Variants in CYP3A43 observed in about 807,000 individuals in gnomAD.
The protein encoded by CYP3A43 is cytochrome P450 family 3 subfamily A member 43.
CYP3A43 carries 45 observed loss-of-function variants against 58.0 expected under a neutral mutation model. The ratio of observed to expected loss-of-function variants is 0.78; its 90% CI spans 0.61 to 0.99. The LOEUF (loss-of-function observed/expected upper bound fraction) is 0.99. Ranked by LOEUF, CYP3A43 falls within the 50% of genes least tolerant of loss-of-function variation. The pLI is 0.00. For synonymous variants in CYP3A43, 191 were observed against 201.4 expected, an observed-to-expected ratio of 0.95 and a Z score of 0.44; for missense variants, 593 against 591.9, an observed-to-expected ratio of 1.00 and a Z score of -0.02.
Position 99,861,691 on chromosome 7 carries a change from G to A in CYP3A43, c.1105G>A (p.Val369Ile). 6.2e-7 allele frequency: 1 copy of A among 1,614,154 alleles called. No homozygotes were observed. The highest frequency in any genetic ancestry group is 8.5e-7 in the Non-Finnish European group (1 of 1,180,020). The change falls in exon 11 of 13, where the codon GTT becomes ATT. Residue 369 changes from valine to isoleucine, a missense_variant. Physicochemically the swap from Val to Ile is conservative, Grantham distance 29. Transcript: ENST00000354829. ...GAATGAAACGCTCAGATTATTCCCA[G>A]TTGTTAGTAGAGTTACGAGAGTCTG... ...VVNETLRLFP[V>I]VSRVTRVCKK...
At chr7:99,839,568 C>G in intron 3 of CYP3A43, 1 of 406,586 alleles carries the variant, frequency 2.5e-6, no homozygotes, top group Non-Finnish European at 4.8e-6. Context: ...AGCAATGTGG[C>G]ATCACTCGTC....
chr7:99,843,972 A>C (rs762091020), intron 3 of CYP3A43, among the ~76,000 whole-genome samples, 171 bp from the exon 4 acceptor site: 11 of 152,202 alleles, frequency 7.2e-5, no homozygotes, highest in Admixed American at 2.6e-4. Context: ...CGTGGTGAGA[A>C]TCTTACTCTG....
At chr7:99,855,261 C>T (rs1817927452) in intron 7 of CYP3A43, among the ~76,000 whole-genome samples, 1 of 152,204 alleles carries the variant, frequency 6.6e-6, no homozygotes, top group Non-Finnish European at 1.5e-5. Context: ...ATTAAAGCAG[C>T]AGGCTATCCA....
At chr7:99,857,590 C>T (rs567601440) in intron 9 of CYP3A43, among the ~76,000 whole-genome samples, 1 of 152,282 alleles carries the variant, frequency 6.6e-6, no homozygotes, top group South Asian at 2.1e-4. Context: ...CGTCTGTAAT[C>T]TCAGCACTTT....
At chr7:99,863,761 T>A in intron 12 of CYP3A43, 62 bp downstream of exon 12, 1 of 1,314,254 alleles carries the variant, frequency 7.6e-7, no homozygotes, top group Admixed American at 2.6e-5. Context: ...AAGTCTACAT[T>A]TTTTAAAAAT....
At chr7:99,834,909 C>T (rs1203550526) in intron 1 of CYP3A43, among the ~76,000 whole-genome samples, 1 of 152,192 alleles carries the variant, frequency 6.6e-6, no homozygotes, top group African/African-American at 2.4e-5. Context: ...ACTGGTCCCC[C>T]ATATTAGTTC....
At chr7:99,863,417 A>G in intron 11 of CYP3A43, 120 bp from the exon 12 acceptor site, 1 of 692,830 alleles carries the variant, frequency 1.4e-6, no homozygotes, top group Non-Finnish European at 2.2e-6. Flanking sequence ...CTGTAATCCC[A>G]ACACTTTGGG....
chr7:99,842,218 A>G (rs1303783936), intron 3 of CYP3A43, among the ~76,000 whole-genome samples: 1 of 152,198 alleles, frequency 6.6e-6, no homozygotes, highest in Non-Finnish European at 1.5e-5. Flanking sequence ...CTCCCTAGCT[A>G]TATAAAAAAG....
chr7:99,861,020 T>C (rs1448815051), intron 10 of CYP3A43, among the ~76,000 whole-genome samples: 1 of 151,948 alleles, frequency 6.6e-6, no homozygotes, highest in Non-Finnish European at 1.5e-5. Flanking sequence ...ATTACAGGCG[T>C]GCGCTACTAT....
intron 9 of CYP3A43, among the ~76,000 whole-genome samples, chr7:99,857,716 A>G (rs998873292): frequency 1.3e-5 from 2 of 152,050 alleles, no homozygotes; most frequent in African/African-American, 4.8e-5. Context: ...GGTGGCGCAC[A>G]CCTGTAATCC....
rs545448978 is a variant in CYP3A43, at chr7:99,850,772, G to C, written c.670+1078G>C. ...TATAATATGTGGTCTTTTGTGACTG[G>C]CTTCTTTCATTTAGCATTACATTTT... On this transcript the variant is annotated intron_variant, in intron 7 of 12. Coordinates refer to ENST00000354829, the MANE Select transcript of CYP3A43 (RefSeq NM_057095.3). Among the ~76,000 whole-genome samples the C allele has an allele frequency of 1.1e-3, 168 of 152,258 alleles. 1 individual carries two copies. The highest frequency in any genetic ancestry group is 4.9e-4 in the Non-Finnish European group (33 of 68,026).
chr7:99,865,398 G>A lies in CYP3A43; in HGVS notation c.1417-508G>A, dbSNP rs552014253. On this transcript the variant is annotated intron_variant, in intron 12 of 12. Coordinates refer to ENST00000354829, the MANE Select transcript of CYP3A43 (RefSeq NM_057095.3). ...AAAAAACAAAAGCATAATGCTTCTT[G>A]AAGATCTCTTCCCATCATTACACTG... 1.2e-4 allele frequency among the ~76,000 whole-genome samples: 18 copies of A among 148,758 alleles called. 2 individuals carry two copies. In the South Asian group the frequency reaches 3.1e-3, roughly 26 times the overall value.
chr7:99,844,592 C>G (rs1484719294), intron 4 of CYP3A43, among the ~76,000 whole-genome samples: 1 of 152,178 alleles, frequency 6.6e-6, no homozygotes, highest in Non-Finnish European at 1.5e-5. Context: ...AGGCTCCCTG[C>G]TGGTATTCTG....
chr7:99,845,340 T>G (rs1307080688), intron 4 of CYP3A43, among the ~76,000 whole-genome samples: 1 of 152,064 alleles, frequency 6.6e-6, no homozygotes, highest in Non-Finnish European at 1.5e-5. Flanking sequence ...TTTTTTTAAT[T>G]GAGACAGAGT....
intron 5 of CYP3A43, 62 bp downstream of exon 5, chr7:99,847,663 A>G (rs773790276): frequency 2.5e-6 from 4 of 1,601,682 alleles, no homozygotes; most frequent in Non-Finnish European, 3.4e-6. Flanking sequence ...ACAGGTAGTA[A>G]GTATCATCAT....
At chr7:99,830,323 G>A (rs942584896) in intron 1 of CYP3A43, among the ~76,000 whole-genome samples, 4 of 152,088 alleles carry the variant, frequency 2.6e-5, no homozygotes, top group Non-Finnish European at 4.4e-5. Context: ...TTCAAGACCA[G>A]CCTGGTCAAC....
At chr7:99,863,890 C>T (rs1234313135) in intron 12 of CYP3A43, among the ~76,000 whole-genome samples, 191 bp downstream of exon 12, 1 of 148,432 alleles carries the variant, frequency 6.7e-6, no homozygotes, top group African/African-American at 2.6e-5. Flanking sequence ...AAAGACAGAA[C>T]TATAAAGATC....
intron 7 of CYP3A43, among the ~76,000 whole-genome samples, chr7:99,853,237 G>C (rs1376437694): frequency 6.6e-6 from 1 of 152,126 alleles, no homozygotes; most frequent in Non-Finnish European, 1.5e-5. Context: ...CCTTTTCTTT[G>C]TGGGTAGTTT....
At chr7:99,863,725 G>GTTTA in intron 12 of CYP3A43, 26 bp downstream of exon 12, 1 of 1,494,988 alleles carries the variant, frequency 6.7e-7, no homozygotes, top group Non-Finnish European at 8.9e-7. Flanking sequence ...TATAAATAAT[G>GTTTA]TTTATTGGGA....
Sources: gnomAD v4.1 joint callset for allele counts (sites outside exome capture counted in the v4.1 genomes callset) on GRCh38, gnomAD v4.1.1 for gene constraint, MANE v1.5 for transcripts, NCBI Gene and HGNC (gene_info 2026-07-23, HGNC 2026-07-21) for gene names.